Variants in UBAC2 observed in about 807,000 individuals in gnomAD.
The protein encoded by UBAC2 is ubiquitin-associated domain-containing protein 2.
A neutral mutation model predicts 44.0 loss-of-function variants in UBAC2; 26 were observed. The ratio of observed to expected loss-of-function variants is 0.59; its 90% CI spans 0.43 to 0.82. The LOEUF is 0.82. Ranked by LOEUF, UBAC2 falls within the 40% of genes least tolerant of loss-of-function variation. UBAC2 has a pLI of 0.00. For synonymous variants in UBAC2, 155 were observed against 154.3 expected (o/e 1.00, Z -0.04); for missense variants, 329 against 419.4 (o/e 0.78, Z 1.88).
chr13:99,375,775 ATTTTC>A (rs1430651292), intron 8 of UBAC2, among the ~76,000 whole-genome samples: 4 of 126,800 alleles, frequency 3.2e-5, no homozygotes, highest in Non-Finnish European at 5.2e-5. Flanking sequence ...GATTTCATTT[ATTTTC>A]TTTTCTCTTT....
chr13:99,370,651 G>A (rs1243975753), intron 8 of UBAC2, among the ~76,000 whole-genome samples: 1 of 152,150 alleles, frequency 6.6e-6, no homozygotes, highest in African/African-American at 2.4e-5. Context: ...AACTCAAAAG[G>A]TGCCCCTGGG....
chr13:99,334,176 G>T (rs758460772), intron 6 of UBAC2, among the ~76,000 whole-genome samples: 1 of 151,908 alleles, frequency 6.6e-6, no homozygotes, highest in Non-Finnish European at 1.5e-5. Flanking sequence ...GCCCAGGCTG[G>T]TCTTGAACTC....
intron 1 of UBAC2, among the ~76,000 whole-genome samples, chr13:99,226,492 C>G (rs890526619): frequency 6.6e-6 from 1 of 152,190 alleles, no homozygotes. Context: ...GGTTTACTAT[C>G]TTCCACCATT....
chr13:99,270,531 T>C (rs145066961), intron 4 of UBAC2, among the ~76,000 whole-genome samples: 3 of 152,334 alleles, frequency 2.0e-5, no homozygotes, highest in African/African-American at 4.8e-5. Flanking sequence ...TTTACATTTC[T>C]ATATCAATGT....
At chr13:99,219,712 A>G (rs1163008978) in intron 1 of UBAC2, among the ~76,000 whole-genome samples, 1 of 152,224 alleles carries the variant, frequency 6.6e-6, no homozygotes. Context: ...TTAAGCCGTC[A>G]TGCCCTATTA....
At chr13:99,251,037 G>A (rs1240281958) in intron 4 of UBAC2, among the ~76,000 whole-genome samples, 1 of 152,158 alleles carries the variant, frequency 6.6e-6, no homozygotes, top group African/African-American at 2.4e-5. Flanking sequence ...ATAGGCATGA[G>A]CCACCAAGCC....
intron 1 of UBAC2, among the ~76,000 whole-genome samples, chr13:99,211,826 G>A (rs1399444930): frequency 6.7e-6 from 1 of 149,062 alleles, no homozygotes; most frequent in East Asian, 2.0e-4. Context: ...TTAGTGTAGA[G>A]CTTGAGCCCT....
At chr13:99,368,577 G>T (rs2045362073) in intron 8 of UBAC2, among the ~76,000 whole-genome samples, 1 of 152,106 alleles carries the variant, frequency 6.6e-6, no homozygotes, top group African/African-American at 2.4e-5. Flanking sequence ...TGAGGAACTC[G>T]GTTGATTTTA....
intron 7 of UBAC2, among the ~76,000 whole-genome samples, chr13:99,365,129 G>C (rs2045314079): frequency 6.6e-6 from 1 of 152,094 alleles, no homozygotes. Context: ...AAGTATTCTT[G>C]TGATTTTTTA....
chr13:99,314,453 G>A (rs187198225), intron 5 of UBAC2, among the ~76,000 whole-genome samples: 17 of 152,186 alleles, frequency 1.1e-4, no homozygotes, highest in Non-Finnish European at 2.9e-5. Flanking sequence ...AGCTTTCACT[G>A]TAATTTGTAT....
chr13:99,225,224 A>G (rs533474904), intron 1 of UBAC2, among the ~76,000 whole-genome samples: 187 of 152,188 alleles, frequency 1.2e-3, no homozygotes, highest in Admixed American at 2.4e-3. Context: ...GTACGTTCAT[A>G]TTGTGCAACC....
Position 99,295,266 on chromosome 13 carries a change from C to T in UBAC2, c.390-18831C>T. On this transcript the variant is annotated intron_variant, in intron 4 of 8. Coordinates refer to ENST00000403766, the MANE Select transcript of UBAC2 (RefSeq NM_001144072.2). This position sits in a 1 kb window ranked among gnomAD's most constrained non-coding sequence, Gnocchi z 4.1. ...CAGCAATTGAAGTTCATCAGGCATA[C>T]TGTAAAGTGCAGAGAAATCTGGAAC... The T allele has an allele frequency of 1.2e-6, 2 of 1,614,082 alleles. No individual in the cohort carries two copies. Among genetic ancestry groups the T allele is most frequent in the Non-Finnish European group, 1.7e-6 (2 of 1,180,002 alleles).
chr13:99,231,406 A>ATTTTTTTTTTTT (rs34600991), intron 1 of UBAC2: 1 of 71,956 alleles, frequency 1.4e-5, no homozygotes, highest in Non-Finnish European at 2.5e-5. Context: ...TGCTGTATAC[A>ATTTTTTTTTTTT]TTTTTTTTTT....
At chr13:99,236,988 T>A (rs72648082) in intron 1 of UBAC2, among the ~76,000 whole-genome samples, 13 of 147,096 alleles carry the variant, frequency 8.8e-5, no homozygotes, top group Admixed American at 6.8e-5. Context: ...AAAAAAAAAA[T>A]AAAACTACCA....
At chr13:99,269,344 C>T (rs758832108) in intron 4 of UBAC2, among the ~76,000 whole-genome samples, 8 of 152,118 alleles carry the variant, frequency 5.3e-5, no homozygotes, top group Admixed American at 2.0e-4. Context: ...GCCAAGGGAC[C>T]GCATTTCCCA....
intron 4 of UBAC2, among the ~76,000 whole-genome samples, chr13:99,276,552 C>T (rs2138675486): frequency 6.6e-6 from 1 of 152,338 alleles, no homozygotes; most frequent in East Asian, 1.9e-4. Context: ...GGGCACCCCA[C>T]CCTCTCAGCA....
chr13:99,338,039 C>CTTTTTTCTTTTTTTTTTTTTTTTT (rs1566509471), intron 6 of UBAC2, among the ~76,000 whole-genome samples: 21 of 91,556 alleles, frequency 2.3e-4, no homozygotes, highest in East Asian at 9.0e-4. Flanking sequence ...AACTTTTTTT[C>CTTTTTTCTTTTTTTTTTTTTTTTT]TTTTTTTCTT....
chr13:99,292,853 G>A (rs1411688193), intron 4 of UBAC2, among the ~76,000 whole-genome samples: 1 of 152,026 alleles, frequency 6.6e-6, no homozygotes, highest in Admixed American at 6.6e-5. Context: ...ATAGGGTTGT[G>A]ATTTTCAAAC....
chr13:99,366,836 C>T (rs1024032658), intron 7 of UBAC2, among the ~76,000 whole-genome samples: 2 of 152,184 alleles, frequency 1.3e-5, no homozygotes, highest in Non-Finnish European at 2.9e-5. Context: ...CTGCTTCCCA[C>T]GCCCACTTGT....
Sources: gnomAD v4.1 joint callset for allele counts (sites outside exome capture counted in the v4.1 genomes callset) on GRCh38, gnomAD v4.1.1 for gene constraint, Gnocchi (gnomAD v3.1) non-coding constraint, MANE v1.5 for transcripts, NCBI Gene and HGNC (gene_info 2026-07-23, HGNC 2026-07-21) for gene names.